Variants in DYNLRB2 observed in about 807,000 individuals in gnomAD.
DYNLRB2 encodes the protein bithoraxoid-like protein.
Under a neutral mutation model 12.6 loss-of-function variants are expected in DYNLRB2, and 14 were observed. That is an observed-to-expected ratio of 1.11 (90% CI 0.73 to 1.73). DYNLRB2 has a LOEUF of 1.73. Among genes scored for constraint, DYNLRB2 ranks in the 40% most tolerant of loss-of-function variants. The pLI is 0.00. For synonymous variants in DYNLRB2, 53 were observed against 37.0 expected, an observed-to-expected ratio of 1.43 and a Z score of -1.57; for missense variants, 142 against 117.7, an observed-to-expected ratio of 1.21 and a Z score of -0.95.
chr16:80,543,293 C>T lies in DYNLRB2; in HGVS notation c.21C>T (p.Thr7=). ...TCTTTCAGGCAGAGGTGGAGGAAAC[C>T]TTAAAGAGGATCCAGAGTCATAAAG... MAEVEE[T]LKRIQSHKGV... is the part of the protein sequence containing the mutation. Residue 7 remains threonine (T), a synonymous_variant, in exon 2 of 4, where the codon ACC becomes ACT. Transcript: ENST00000305904. 1 of 1,613,960 alleles carries T rather than the reference C, an allele frequency of 6.2e-7. No homozygotes were observed. The highest frequency in any genetic ancestry group is 8.5e-7 in the Non-Finnish European group (1 of 1,179,920).
At chr16:80,547,440 GTTGA>G (rs1315506431) in intron 2 of DYNLRB2, among the ~76,000 whole-genome samples, 4 of 152,078 alleles carry the variant, frequency 2.6e-5, no homozygotes. Flanking sequence ...ATAAATATTT[GTTGA>G]TTGATTTTTT....
rs199533524 is a variant in DYNLRB2, at chr16:80,543,351, G to T, written c.79G>T (p.Gly27Cys). The T allele has an allele frequency of 3.1e-6, 5 of 1,613,656 alleles. No individual in the cohort carries two copies. The highest frequency in any genetic ancestry group is 4.2e-6 in the Non-Finnish European group (5 of 1,179,778). The stretch of plus-strand genomic sequence containing the variant: ...TGGAACTATGGTTGTAAATGCAGAA[G>T]GTAAATATATCACAGGCTGTCTTCT... The part of the protein sequence containing the change: ...VIGTMVVNAE[G>C]IPIRTTLDNS... The change falls in exon 2 of 4, where the codon GGT (glycine) becomes TGT (cysteine). Residue 27 changes from glycine to cysteine, a missense_variant and splice_region_variant. Transcript: ENST00000305904.
chr16:80,540,863 C>T (rs116990305), upstream of DYNLRB2: 14,749 of 820,210 alleles, frequency 0.018, 1,080 homozygotes, highest in Admixed American at 0.16. Context: ...AGGTGAGCGC[C>T]TGCTCCCCTC....
In DYNLRB2 at chr16:80,541,055, C is replaced by T; in HGVS notation, c.-22C>T. ...GGGAGGCTGTGCCGCCGGCCTGAGC[C>T]CAGAGTTTCGCGGCCTCCGCGATGG... On this transcript the variant is annotated 5_prime_UTR_variant, in exon 1 of 4. Coordinates refer to ENST00000305904, the MANE Select transcript of DYNLRB2 (RefSeq NM_130897.3). 3.7e-6 allele frequency: 6 copies of T among 1,608,092 alleles called. No individual in the cohort carries two copies. Among genetic ancestry groups the T allele is most frequent in the Non-Finnish European group, 5.1e-6 (6 of 1,176,690 alleles).
intron 1 of DYNLRB2, 126 bp downstream of exon 1, chr16:80,541,205 C>T: frequency 2.1e-6 from 3 of 1,450,450 alleles, no homozygotes; most frequent in South Asian, 1.5e-5. Context: ...AGGCTGGTGG[C>T]TCCAGGATCT....
chr16:80,540,893 C>T (rs772190891), upstream of DYNLRB2: 25 of 1,079,486 alleles, frequency 2.3e-5, no homozygotes, highest in Middle Eastern at 2.0e-4. Context: ...CCTTCGCCTA[C>T]GGCGGCCGGG....
intron 2 of DYNLRB2, among the ~76,000 whole-genome samples, chr16:80,543,919 A>G (rs1377284174): frequency 6.6e-6 from 1 of 152,240 alleles, no homozygotes; most frequent in Non-Finnish European, 1.5e-5. Context: ...ATCCTTGTTA[A>G]GAATCCACAT....
At chr16:80,542,609 A>G (rs1904297837) in intron 1 of DYNLRB2, among the ~76,000 whole-genome samples, 2 of 152,250 alleles carry the variant, frequency 1.3e-5, no homozygotes, top group African/African-American at 2.4e-5. Flanking sequence ...GGAAGAAAAC[A>G]TACAATACAC....
At chr16:80,549,378 CT>C in intron 2 of DYNLRB2, 105 bp from the exon 3 acceptor site, 1 of 1,163,956 alleles carries the variant, frequency 8.6e-7, no homozygotes, top group Non-Finnish European at 1.2e-6. Context: ...TAAGCCATCA[CT>C]TTTTTCTCTT....
rs753638151 is a variant in DYNLRB2, at chr16:80,541,096, C to T, written c.3+17C>T. On this transcript the variant is annotated intron_variant, in intron 1 of 3. Coordinates refer to ENST00000305904, the MANE Select transcript of DYNLRB2 (RefSeq NM_130897.3). ...TCCGCGATGGTAAATCTGGGGTCTC[C>T]GTCCACGCCCCGCCGTTCCAAGCAC... The T allele has an allele frequency of 1.3e-6, 2 of 1,599,152 alleles. No homozygotes were observed. Among genetic ancestry groups the T allele is most frequent in the Admixed American group, 1.7e-5 (1 of 59,050 alleles).
chr16:80,544,728 A>G (rs1239390490), intron 2 of DYNLRB2: 2 of 152,210 alleles, frequency 1.3e-5, no homozygotes, highest in South Asian at 4.1e-4. Flanking sequence ...TGAAATCAAG[A>G]TGTCCGAAGG....
intron 3 of DYNLRB2, 72 bp downstream of exon 3, chr16:80,549,723 A>G: frequency 7.0e-7 from 1 of 1,435,294 alleles, no homozygotes; most frequent in East Asian, 2.3e-5. Flanking sequence ...GTTTCTATGA[A>G]TGGTAAGTAC....
Position 80,549,504 on chromosome 16 carries a change from T to C in DYNLRB2, c.100T>C (p.Leu34=). Residue 34 remains leucine, a synonymous_variant, in exon 3 of 4, where the codon TTG becomes CTG. Coordinates refer to ENST00000305904, the MANE Select transcript of DYNLRB2 (RefSeq NM_130897.3). ...AATAGGTATTCCCATCCGAACAACC[T>C]TGGACAACTCAACAACTGTTCAATA... is the stretch of plus-strand genomic sequence containing the variant. ...NAEGIPIRTT[L]DNSTTVQYAG... is the part of the protein sequence containing the mutation. 1 of 1,609,968 alleles carries C rather than the reference T, an allele frequency of 6.2e-7. No homozygotes were observed.
rs753412559 is a variant in DYNLRB2, at chr16:80,549,666, C to T, written c.247+15C>T. 6.4e-7 allele frequency: 1 copy of T among 1,569,798 alleles called. No homozygotes were observed. The highest frequency in any genetic ancestry group is 2.3e-5 in the East Asian group (1 of 44,212). Reference sequence around the variant, plus strand: ...GGTAGCTCCAGGTAATTTGGCATTTCATTTCCTAGTTAAATCATCTTTCTA... The same window carrying T: ...GGTAGCTCCAGGTAATTTGGCATTTTATTTCCTAGTTAAATCATCTTTCTA... On this transcript the variant is annotated intron_variant, in intron 3 of 3. Transcript: ENST00000305904.
intron 2 of DYNLRB2, among the ~76,000 whole-genome samples, chr16:80,547,324 C>A (rs1249332299): frequency 6.6e-6 from 1 of 152,118 alleles, no homozygotes; most frequent in Non-Finnish European, 1.5e-5. Context: ...TCTAAGAAAC[C>A]AGTGGTTGTT....
chr16:80,540,897 G>T (rs1359448422), upstream of DYNLRB2: 2 of 1,105,280 alleles, frequency 1.8e-6, no homozygotes, highest in Non-Finnish European at 2.7e-6. Flanking sequence ...CGCCTACGGC[G>T]GCCGGGAGGC....
rs1393199734 is a variant in DYNLRB2, at chr16:80,549,503, C to G, written c.99C>G (p.Thr33=). The G allele has an allele frequency of 2.3e-5, 37 of 1,609,290 alleles. No homozygotes were observed. The highest frequency in any genetic ancestry group is 3.1e-5 in the Non-Finnish European group (37 of 1,177,256). The part of the protein sequence containing the change: ...VNAEGIPIRT[T]LDNSTTVQYA... ...TAATAGGTATTCCCATCCGAACAACCTTGGACAACTCAACAACTGTTCAAT... is the reference window on the plus strand; with the variant it reads ...TAATAGGTATTCCCATCCGAACAACGTTGGACAACTCAACAACTGTTCAAT... Residue 33 remains threonine (T), a synonymous_variant, in exon 3 of 4, where the codon ACC becomes ACG. Transcript: ENST00000305904.
At chr16:80,544,622 G>A (rs548211722) in intron 2 of DYNLRB2, 32 of 152,318 alleles carry the variant, frequency 2.1e-4, no homozygotes, top group Admixed American at 1.8e-3. Context: ...TAGAGATGGT[G>A]TGTTAGTTTC....
Position 80,548,129 on chromosome 16 carries a change from A to G in DYNLRB2, c.80-1355A>G, listed in dbSNP as rs1597093558. On this transcript the variant is annotated intron_variant, in intron 2 of 3. Transcript: ENST00000305904. ...TTAGGCTCATTTCTTGAGTGCCCTT[A>G]ATACGGATACCTAAGGAATTTGATA... The G allele has an allele frequency of 4.0e-5, 7 of 176,526 alleles. No individual in the cohort carries two copies. In the South Asian group the frequency reaches 7.4e-4, roughly 19 times the overall value. 10.9% of individuals were successfully genotyped at this position (176,526 alleles called of 1,614,324 possible). A position where few individuals can be genotyped will look rare whatever the true frequency, so the allele number is the denominator to read the frequency against.
Sources: allele counts gnomAD v4.1 joint callset (sites outside exome capture counted in the v4.1 genomes callset), GRCh38; gene constraint gnomAD v4.1.1; transcripts MANE v1.5; gene names NCBI Gene and HGNC (gene_info 2026-07-23, HGNC 2026-07-21).